XKR9: variants seen among roughly 807,000 people sequenced by gnomAD.
XKR9 encodes the protein XK related 9, also known as XK-related protein 9.
In XKR9, 32 loss-of-function variants were observed where a neutral mutation model predicts 32.0. The observed-to-expected ratio is 1.00, with a 90% CI of 0.76 to 1.34. The LOEUF (loss-of-function observed/expected upper bound fraction) is 1.34, where lower values mean the gene tolerates loss of function less well. XKR9 is among the 40% of genes most tolerant of loss of function. The pLI is 0.00. For missense variants in XKR9, 546 were observed against 429.7 expected (o/e 1.27, Z -2.39); for synonymous variants, 168 against 143.4 (o/e 1.17, Z -1.22).
the XKR9 span, among the ~76,000 whole-genome samples, chr8:70,928,196 C>T: frequency 6.6e-6 from 1 of 152,080 alleles, no homozygotes; most frequent in Admixed American, 6.6e-5. Context: ...GCATGCACTA[C>T]CATGCCCAGC....
chr8:70,829,231 C>A, the XKR9 span, among the ~76,000 whole-genome samples: 10 of 152,148 alleles, frequency 6.6e-5, no homozygotes, highest in Admixed American at 6.5e-4. Context: ...TTTCTTATTT[C>A]GGATAAGAAA....
chr8:70,947,478 A>C, the XKR9 span, among the ~76,000 whole-genome samples: 3 of 152,252 alleles, frequency 2.0e-5, no homozygotes, highest in Non-Finnish European at 2.9e-5. Context: ...CATTTCTTAC[A>C]ATGAAGAAAA....
At chr8:70,828,995 C>A in the XKR9 span, among the ~76,000 whole-genome samples, 1 of 152,170 alleles carries the variant, frequency 6.6e-6, no homozygotes, top group Non-Finnish European at 1.5e-5. Context: ...CAATGTTTTT[C>A]TCCAAAAATG....
the XKR9 span, among the ~76,000 whole-genome samples, chr8:70,846,835 CAATATATAAAACA>C: frequency 6.6e-6 from 1 of 151,792 alleles, no homozygotes. Context: ...CCAGAGCATC[CAATATATAAAACA>C]AATATTATAT....
the XKR9 span, among the ~76,000 whole-genome samples, chr8:70,869,657 T>C: frequency 1.3e-5 from 2 of 152,210 alleles, no homozygotes; most frequent in Non-Finnish European, 2.9e-5. Context: ...AAAATATTTG[T>C]CACCCTTCCT....
At chr8:70,827,451 G>A in the XKR9 span, among the ~76,000 whole-genome samples, 3 of 152,070 alleles carry the variant, frequency 2.0e-5, no homozygotes. Context: ...ACTATGAGAC[G>A]GTTGTGTGTA....
chr8:70,724,601 C>A (rs1489689734), intron 4 of XKR9, among the ~76,000 whole-genome samples: 3 of 152,138 alleles, frequency 2.0e-5, no homozygotes, highest in Non-Finnish European at 4.4e-5. Context: ...ATAGCACAGT[C>A]CCTCACGGCT....
At chr8:70,838,858 G>C in the XKR9 span, among the ~76,000 whole-genome samples, 6 of 152,138 alleles carry the variant, frequency 3.9e-5, no homozygotes, top group South Asian at 1.2e-3. Flanking sequence ...CTAGTTAAGA[G>C]TTTGCTCTTT....
At chr8:70,991,511 G>T in the XKR9 span, among the ~76,000 whole-genome samples, 1 of 152,196 alleles carries the variant, frequency 6.6e-6, no homozygotes. Flanking sequence ...TCATGGAGAT[G>T]ATTATTGAAA....
chr8:70,677,203 C>T (rs970517034), intron 2 of XKR9, among the ~76,000 whole-genome samples: 1 of 152,052 alleles, frequency 6.6e-6, no homozygotes, highest in Non-Finnish European at 1.5e-5. Context: ...TGGAGTGCAG[C>T]GATGCCATAT....
intron 2 of XKR9, among the ~76,000 whole-genome samples, chr8:70,761,407 G>C (rs532703104): frequency 7.2e-4 from 110 of 152,132 alleles, no homozygotes; most frequent in African/African-American, 2.5e-3. Flanking sequence ...CACTCTGACT[G>C]GTGTGAGATG....
intron 3 of XKR9, among the ~76,000 whole-genome samples, chr8:70,700,959 G>A (rs934511489): frequency 3.3e-5 from 5 of 152,306 alleles, no homozygotes; most frequent in African/African-American, 7.2e-5. Context: ...AGCAATCAGC[G>A]AGACTCCGTG....
intron 2 of XKR9, among the ~76,000 whole-genome samples, chr8:70,755,618 A>G (rs183884374): frequency 0.33 from 50,127 of 151,730 alleles, 9,389 homozygotes; most frequent in Non-Finnish European, 0.43. Flanking sequence ...AGGGACATGG[A>G]TGAAATTGGA....
At chr8:70,911,573 C>G in the XKR9 span, among the ~76,000 whole-genome samples, 22 of 152,166 alleles carry the variant, frequency 1.4e-4, no homozygotes, top group Non-Finnish European at 2.1e-4. Flanking sequence ...GCACTTATCA[C>G]GTGTCAAGAT....
At chr8:70,676,821 G>A (rs896943518) in intron 2 of XKR9, among the ~76,000 whole-genome samples, 6 of 152,086 alleles carry the variant, frequency 3.9e-5, no homozygotes, top group African/African-American at 1.4e-4. Context: ...ACCAGCCTGG[G>A]TAATATAGAG....
the XKR9 span, among the ~76,000 whole-genome samples, chr8:71,057,390 A>T: frequency 6.6e-6 from 1 of 152,096 alleles, no homozygotes. Flanking sequence ...GAAGCATTGT[A>T]TTTTCCAGTT....
At chr8:71,042,542 A>G in the XKR9 span, among the ~76,000 whole-genome samples, 1 of 152,196 alleles carries the variant, frequency 6.6e-6, no homozygotes, top group Non-Finnish European at 1.5e-5. Flanking sequence ...TTTCATTCAC[A>G]TTAAGTGTTT....
At chr8:70,824,636 A>T in the XKR9 span, among the ~76,000 whole-genome samples, 1 of 152,206 alleles carries the variant, frequency 6.6e-6, no homozygotes, top group African/African-American at 2.4e-5. Context: ...AAGAAGTTAA[A>T]CACTAAGTCT....
At chr8:71,061,445 T>C in the XKR9 span, among the ~76,000 whole-genome samples, 1 of 152,196 alleles carries the variant, frequency 6.6e-6, no homozygotes, top group Non-Finnish European at 1.5e-5. Context: ...TGGCCCATCA[T>C]CTCTGTGCTC....
Sources: gnomAD v4.1 joint callset for allele counts (sites outside exome capture counted in the v4.1 genomes callset) on GRCh38, gnomAD v4.1.1 for gene constraint, MANE v1.5 for transcripts, NCBI Gene and HGNC (gene_info 2026-07-23, HGNC 2026-07-21) for gene names.